Variants in RASSF3 observed in about 807,000 individuals in gnomAD.
RASSF3 encodes Ras association domain family member 3.
Under a neutral mutation model 19.9 loss-of-function variants are expected in RASSF3, and 19 were observed. That is an observed-to-expected ratio of 0.96 (90% CI 0.67 to 1.40). The LOEUF (loss-of-function observed/expected upper bound fraction) is 1.40. RASSF3 is among the 40% of genes most tolerant of loss of function. RASSF3 has a pLI of 0.00. For synonymous variants in RASSF3, 110 were observed against 104.2 expected (o/e 1.06, Z -0.34); for missense variants, 306 against 289.8 (o/e 1.06, Z -0.41).
At chr12:64,671,141 G>C (rs1001586919) in intron 1 of RASSF3, among the ~76,000 whole-genome samples, 2 of 152,180 alleles carry the variant, frequency 1.3e-5, no homozygotes, top group Non-Finnish European at 2.9e-5. Context: ...AAGAATTTGG[G>C]TTGGCTAATC....
intron 1 of RASSF3, among the ~76,000 whole-genome samples, chr12:64,620,248 T>G (rs1870705692): frequency 6.6e-6 from 1 of 152,124 alleles, no homozygotes; most frequent in Non-Finnish European, 1.5e-5. Flanking sequence ...CAAGATTTAT[T>G]CATGTTGGAG....
At chr12:64,521,431 C>T (rs1868477274) in intron 1 of RASSF3, among the ~76,000 whole-genome samples, 1 of 152,134 alleles carries the variant, frequency 6.6e-6, no homozygotes, top group Admixed American at 6.6e-5. Context: ...ATGAGTATGT[C>T]CTTGGTGTCA....
chr12:64,620,488 G>A (rs906128929), intron 1 of RASSF3, among the ~76,000 whole-genome samples: 3 of 152,028 alleles, frequency 2.0e-5, no homozygotes, highest in African/African-American at 7.3e-5. Context: ...AGAATCATAT[G>A]GTAATTCTGT....
In RASSF3 at chr12:64,691,512, T is replaced by C. The variant is rs768748332; in HGVS notation, c.500T>C (p.Leu167Pro). The stretch of plus-strand genomic sequence containing the variant: ...TCAGACCGGGAACATCCACTCTACC[T>C]GCGTTTGGTAGCAGGGCCCAGAACA... ...KLSDREHPLYLRLVAGPRTDT... is the reference protein window; with the variant it reads ...KLSDREHPLYPRLVAGPRTDT... The change falls in exon 4 of 5, where the codon CTG becomes CCG. Residue 167 changes from leucine to proline, a missense_variant. Transcript: ENST00000542104. The C allele has an allele frequency of 1.2e-6, 2 of 1,614,154 alleles. No individual in the cohort carries two copies. Among genetic ancestry groups the C allele is most frequent in the Non-Finnish European group, 1.7e-6 (2 of 1,179,956 alleles).
intron 1 of RASSF3, among the ~76,000 whole-genome samples, chr12:64,627,726 T>C (rs908198710): frequency 1.3e-5 from 2 of 151,582 alleles, no homozygotes; most frequent in African/African-American, 4.9e-5. Flanking sequence ...TATGTATTCA[T>C]GTGGAAATAG....
chr12:64,655,553 T>C (rs919642246), intron 1 of RASSF3, among the ~76,000 whole-genome samples: 26 of 152,026 alleles, frequency 1.7e-4, no homozygotes, highest in African/African-American at 5.8e-4. Context: ...CCTTAAGTGA[T>C]CCTCCTGCCT....
intron 1 of RASSF3, among the ~76,000 whole-genome samples, chr12:64,684,392 G>T (rs2136218560): frequency 6.7e-6 from 1 of 150,020 alleles, no homozygotes; most frequent in East Asian, 2.0e-4. Flanking sequence ...CCCTTGTGTG[G>T]AATTTTTAAA....
intron 2 of RASSF3, among the ~76,000 whole-genome samples, chr12:64,569,145 C>T (rs1279826556): frequency 1.3e-5 from 2 of 152,192 alleles, no homozygotes; most frequent in African/African-American, 4.8e-5. Flanking sequence ...AGTGTAAACC[C>T]ACTCAAGTGC....
intron 2 of RASSF3, among the ~76,000 whole-genome samples, chr12:64,564,313 G>T (rs186791080): frequency 2.0e-5 from 3 of 152,214 alleles, no homozygotes; most frequent in Admixed American, 1.3e-4. Flanking sequence ...TAACTTTATT[G>T]GATTGGGGAC....
chr12:64,600,008 G>A (rs972325075), intron 2 of RASSF3, among the ~76,000 whole-genome samples: 2 of 146,276 alleles, frequency 1.4e-5, no homozygotes, highest in Non-Finnish European at 3.0e-5. Flanking sequence ...CCCCAGCCTG[G>A]GCGAGAGAGA....
intron 2 of RASSF3, among the ~76,000 whole-genome samples, chr12:64,585,070 G>A (rs144041818): frequency 6.6e-6 from 1 of 151,880 alleles, no homozygotes; most frequent in Non-Finnish European, 1.5e-5. Flanking sequence ...ATTTTTAGTA[G>A]AGACAGGGTT....
chr12:64,639,675 T>C (rs1871443126), intron 1 of RASSF3, among the ~76,000 whole-genome samples: 1 of 152,228 alleles, frequency 6.6e-6, no homozygotes, highest in Non-Finnish European at 1.5e-5. Flanking sequence ...CAGGTGTAGT[T>C]TGTGGTTTCC....
chr12:64,520,553 CACATATATATATATATAT>C (rs1395430691), intron 1 of RASSF3, among the ~76,000 whole-genome samples: 1 of 30,466 alleles, frequency 3.3e-5, no homozygotes, highest in African/African-American at 1.0e-4. Flanking sequence ...CACACATACA[CACATATATATATATATAT>C]ATATATATAT....
rs563111732 is a variant in RASSF3 at position 64,554,886 on chromosome 12, G to A, written c.294+13181G>A. Among the ~76,000 whole-genome samples, 4 of 152,180 alleles carry A rather than the reference G, an allele frequency of 2.6e-5. No individual in the cohort carries two copies. The East Asian group carries it at 7.7e-4, about 29-fold the overall frequency. On this transcript the variant is annotated intron_variant, in intron 2 of 5. Transcript: ENST00000637125. Reference sequence around the variant, plus strand: ...GTGGAGGCTCAATTAATATTTGTTGGATAAATGAATAATGCATTTTGAAAA... The same window carrying A: ...GTGGAGGCTCAATTAATATTTGTTGAATAAATGAATAATGCATTTTGAAAA...
intron 3 of RASSF3, among the ~76,000 whole-genome samples, chr12:64,689,283 G>T (rs1873485758): frequency 6.6e-6 from 1 of 151,566 alleles, no homozygotes; most frequent in African/African-American, 2.4e-5. Flanking sequence ...GTTTTTCTCG[G>T]TAAAGCCTAA....
chr12:64,547,270 TA>T (rs79967837), intron 2 of RASSF3, among the ~76,000 whole-genome samples: 55,401 of 127,260 alleles, frequency 0.44, 11,201 homozygotes, highest in East Asian at 0.68. Flanking sequence ...AGACTTGATC[TA>T]AAAAAAAAAA....
chr12:64,564,048 C>G (rs1420380113), intron 2 of RASSF3, among the ~76,000 whole-genome samples: 1 of 152,130 alleles, frequency 6.6e-6, no homozygotes, highest in Non-Finnish European at 1.5e-5. Context: ...TGAATAGTAC[C>G]TTTGATGTAC....
chr12:64,660,440 A>G (rs1872315595), intron 1 of RASSF3, among the ~76,000 whole-genome samples: 1 of 152,144 alleles, frequency 6.6e-6, no homozygotes, highest in South Asian at 2.1e-4. Flanking sequence ...TACACTGAGA[A>G]GTCTGTATTG....
At chr12:64,549,863 C>T (rs1470123211) in intron 2 of RASSF3, among the ~76,000 whole-genome samples, 1 of 152,134 alleles carries the variant, frequency 6.6e-6, no homozygotes, top group African/African-American at 2.4e-5. Flanking sequence ...TGTTTTTGAG[C>T]ACTCCTTGCA....
Sources: allele counts gnomAD v4.1 joint callset (sites outside exome capture counted in the v4.1 genomes callset), GRCh38; gene constraint gnomAD v4.1.1; transcripts MANE v1.5; gene names NCBI Gene and HGNC (gene_info 2026-07-23, HGNC 2026-07-21).